LIPH: variants seen among roughly 807,000 people sequenced by gnomAD.
LIPH encodes lipase member H.
A neutral mutation model predicts 47.6 loss-of-function variants in LIPH; 32 were observed. The observed-to-expected ratio is 0.67, with a 90% CI of 0.51 to 0.90. The LOEUF (loss-of-function observed/expected upper bound fraction) is 0.90, where lower values mean the gene tolerates loss of function less well. Ranked by LOEUF, LIPH falls within the 40% of genes least tolerant of loss-of-function variation. The pLI is 0.00. For synonymous variants in LIPH, 190 were observed against 195.6 expected, an observed-to-expected ratio of 0.97 and a Z score of 0.24; for missense variants, 497 against 541.4, an observed-to-expected ratio of 0.92 and a Z score of 0.81.
chr3:185,517,211 CAT>C (rs1320427680), intron 6 of LIPH, 49 bp from the exon 7 acceptor site: 2 of 1,017,400 alleles, frequency 2.0e-6, no homozygotes, highest in Non-Finnish European at 3.1e-6. Flanking sequence ...ATTATACAAA[CAT>C]AAAAGCAACT....
intron 3 of LIPH, among the ~76,000 whole-genome samples, chr3:185,529,971 A>T (rs1386233065): frequency 1.8e-5 from 1 of 54,212 alleles, no homozygotes; most frequent in Non-Finnish European, 4.5e-5. Flanking sequence ...AGAAGGAAAG[A>T]AAGAAAGAGA....
chr3:185,525,830 G>A (rs1720051681), intron 4 of LIPH, among the ~76,000 whole-genome samples: 1 of 152,188 alleles, frequency 6.6e-6, no homozygotes, highest in Non-Finnish European at 1.5e-5. Flanking sequence ...GTTTCACAAA[G>A]AGACAATTTC....
rs1235808164 is a variant in LIPH at position 185,522,650 on chromosome 3, A to AAGAAAGAAAAGAAAGAAAG, written c.718+1420_718+1421insCTTTCTTTCTTTTCTTTCT. 5.7e-3 allele frequency among the ~76,000 whole-genome samples: 808 copies of AAGAAAGAAAAGAAAGAAAG among 141,978 alleles called. 17 individuals are homozygous for AAGAAAGAAAAGAAAGAAAG. Among genetic ancestry groups the AAGAAAGAAAAGAAAGAAAG allele is most frequent in the Middle Eastern group, 0.011 (3 of 282 alleles). The allele number at this position is 141,978 out of a possible 152,430, so 93.1% of individuals were successfully genotyped here. A position where few individuals can be genotyped will look rare whatever the true frequency, so the allele number is the denominator to read the frequency against. On this transcript the variant is annotated intron_variant, in intron 5 of 9. Transcript: ENST00000296252. ...AAGAAGGAAAAGAAAGAGAGAAAGA[A>AAGAAAGAAAAGAAAGAAAG]AAAGAAAGAAAGAAAGAAAGAAAGA... is the stretch of plus-strand genomic sequence containing the variant.
chr3:185,552,314 T>G, intron 1 of LIPH, 109 bp downstream of exon 1: 1 of 747,390 alleles, frequency 1.3e-6, no homozygotes, highest in Non-Finnish European at 2.4e-6. Context: ...TAAAAACGAC[T>G]CTATGGACTT....
chr3:185,508,678 C>G lies in LIPH; in HGVS notation c.*112G>C. On this transcript the variant is annotated 3_prime_UTR_variant, in exon 10 of 10. Transcript: ENST00000296252. Reference sequence around the variant, plus strand: ...TCCATAGGACGCTACTGAAAAAAGCCTTGGTTTTTTTCATACTTTTTCTGC... The same window carrying G: ...TCCATAGGACGCTACTGAAAAAAGCGTTGGTTTTTTTCATACTTTTTCTGC... The G allele has an allele frequency of 1.3e-6, 1 of 798,242 alleles. No homozygotes were observed. The highest frequency in any genetic ancestry group is 2.2e-6 in the Non-Finnish European group (1 of 452,682). 49.4% of individuals were successfully genotyped at this position (798,242 alleles called of 1,614,324 possible). A position where few individuals can be genotyped will look rare whatever the true frequency, so the allele number is the denominator to read the frequency against.
At chr3:185,523,764 C>T (rs1319694513) in intron 5 of LIPH, among the ~76,000 whole-genome samples, 1 of 150,250 alleles carries the variant, frequency 6.7e-6, no homozygotes, top group African/African-American at 2.4e-5. Flanking sequence ...CTCTTGTTGC[C>T]CAGGCTGGAG....
At chr3:185,525,062 A>C (rs2148953303) in intron 4 of LIPH, among the ~76,000 whole-genome samples, 1 of 152,062 alleles carries the variant, frequency 6.6e-6, no homozygotes, top group South Asian at 2.1e-4. Flanking sequence ...AAAATATACA[A>C]AAATTAGCCA....
intron 1 of LIPH, among the ~76,000 whole-genome samples, chr3:185,539,901 C>T (rs113502380): frequency 6.6e-6 from 1 of 152,202 alleles, no homozygotes; most frequent in Non-Finnish European, 1.5e-5. Context: ...TACATGAAGC[C>T]ATGGCTCCCC....
chr3:185,548,423 A>C (rs75395815), intron 1 of LIPH, among the ~76,000 whole-genome samples: 1 of 148,852 alleles, frequency 6.7e-6, no homozygotes, highest in Non-Finnish European at 1.5e-5. Context: ...GAAAAAAAAA[A>C]CAACAAAAAA....
intron 4 of LIPH, among the ~76,000 whole-genome samples, chr3:185,527,015 G>A (rs1249398807): frequency 6.6e-6 from 1 of 152,022 alleles, no homozygotes; most frequent in Non-Finnish European, 1.5e-5. Context: ...CGAGGCGGGC[G>A]GATCACAAGG....
intron 1 of LIPH, among the ~76,000 whole-genome samples, chr3:185,549,459 A>C (rs1483908292): frequency 6.6e-6 from 1 of 152,222 alleles, no homozygotes; most frequent in Non-Finnish European, 1.5e-5. Context: ...TTGGCATTAA[A>C]CAATTTTTTC....
At chr3:185,529,989 A>AGG (rs1720283075) in intron 3 of LIPH, among the ~76,000 whole-genome samples, 1 of 150,994 alleles carries the variant, frequency 6.6e-6, no homozygotes, top group Admixed American at 6.6e-5. Context: ...AGAGAGAGAG[A>AGG]GAAAATAAGC....
chr3:185,527,649 A>T, intron 3 of LIPH, 64 bp from the exon 4 acceptor site: 2 of 1,038,126 alleles, frequency 1.9e-6, no homozygotes, highest in Non-Finnish European at 3.0e-6. Context: ...CGGGCCTTTG[A>T]TCCTTCTGGA....
chr3:185,524,542 T>C (rs899623362), intron 4 of LIPH, among the ~76,000 whole-genome samples: 1 of 150,962 alleles, frequency 6.6e-6, no homozygotes, highest in Non-Finnish European at 1.5e-5. Flanking sequence ...CTCCACCTCC[T>C]GGGTTCAAGC....
chr3:185,540,006 A>G (rs1720650855), intron 1 of LIPH, among the ~76,000 whole-genome samples: 1 of 152,200 alleles, frequency 6.6e-6, no homozygotes, highest in South Asian at 2.1e-4. Flanking sequence ...AGGACTCCCC[A>G]TCAGTCTGGC....
intron 5 of LIPH, among the ~76,000 whole-genome samples, chr3:185,520,461 G>A (rs958331259): frequency 6.6e-6 from 1 of 151,602 alleles, no homozygotes; most frequent in Non-Finnish European, 1.5e-5. Flanking sequence ...AGGTTGCAGT[G>A]AGCCGAGATC....
At chr3:185,523,978 T>A (rs767336389) in intron 5 of LIPH, 93 bp downstream of exon 5, 8 of 864,612 alleles carry the variant, frequency 9.3e-6, no homozygotes, top group Non-Finnish European at 1.6e-5. Context: ...CGTCTCGGCC[T>A]CCCAAAGTGC....
chr3:185,529,954 GAAAGAAAGAAGGAAAGAAAGAA>G (rs1403442855), intron 3 of LIPH, among the ~76,000 whole-genome samples: 115 of 54,812 alleles, frequency 2.1e-3, no homozygotes, highest in Middle Eastern at 0.016. Flanking sequence ...AAGAAAGAAA[GAAAGAAAGAAGGAAAGAAAGAA>G]AGAGAGAGAG....
rs1454892732 is a variant in LIPH at position 185,508,713 on chromosome 3, A to G, written c.*77T>C. 3.9e-6 allele frequency: 4 copies of G among 1,036,454 alleles called. No homozygotes were observed. The highest frequency in any genetic ancestry group is 4.7e-5 in the East Asian group (2 of 42,288). The allele number at this position is 1,036,454 out of a possible 1,614,324, so 64.2% of individuals were successfully genotyped here. On this transcript the variant is annotated 3_prime_UTR_variant, in exon 10 of 10. Transcript: ENST00000296252. Reference sequence around the variant, plus strand: ...TTCATACTTTTTCTGCCTTGCAGAAAGGTGAGGTGAAGCTTTCAAACAGCC... The same window carrying G: ...TTCATACTTTTTCTGCCTTGCAGAAGGGTGAGGTGAAGCTTTCAAACAGCC...
Sources: gnomAD v4.1 joint callset for allele counts (sites outside exome capture counted in the v4.1 genomes callset) on GRCh38, gnomAD v4.1.1 for gene constraint, MANE v1.5 for transcripts, NCBI Gene and HGNC (gene_info 2026-07-23, HGNC 2026-07-21) for gene names.